Variants in TMEM108 observed in about 807,000 individuals in gnomAD.
TMEM108 encodes transmembrane protein 108.
A neutral mutation model predicts 35.1 loss-of-function variants in TMEM108; 12 were observed. The ratio of observed to expected loss-of-function variants is 0.34; its 90% CI spans 0.22 to 0.55. The LOEUF is 0.55. TMEM108 is among the 20% of genes least tolerant of loss of function. The pLI, the probability that TMEM108 is intolerant of heterozygous loss-of-function variation, is 0.89. For synonymous variants in TMEM108, 287 were observed against 308.6 expected (o/e 0.93, Z 0.73); for missense variants, 680 against 753.3 (o/e 0.90, Z 1.14).
rs1291857192 is a variant in TMEM108 at position 133,380,407 on chromosome 3, C to G, written c.696C>G (p.Pro232=). 1 of 1,613,722 alleles carries G rather than the reference C, an allele frequency of 6.2e-7. No individual in the cohort carries two copies. Among genetic ancestry groups the G allele is most frequent in the South Asian group, 1.1e-5 (1 of 91,046 alleles). Residue 232 remains proline, a synonymous_variant, in exon 4 of 6, where the codon CCC becomes CCG. Transcript: ENST00000321871. This position sits in a 1 kb window ranked among gnomAD's most constrained non-coding sequence, Gnocchi z 5.3. ...TCACAGGGTCTGTGGAACCGGAGCCCTCTACCCTCACCCCCAGGACCCCAC... is the reference window on the plus strand; with the variant it reads ...TCACAGGGTCTGTGGAACCGGAGCCGTCTACCCTCACCCCCAGGACCCCAC... The part of the protein sequence containing the change: ...GNFTGSVEPE[P]STLTPRTPLW...
chr3:133,122,484 A>AT (rs1033849510), intron 2 of TMEM108, among the ~76,000 whole-genome samples: 1 of 152,152 alleles, frequency 6.6e-6, no homozygotes, highest in East Asian at 1.9e-4. Context: ...CTATCTTTAT[A>AT]TTTTTTTGAA....
intron 2 of TMEM108, among the ~76,000 whole-genome samples, chr3:133,076,302 A>T (rs940580478): frequency 2.7e-5 from 4 of 150,782 alleles, no homozygotes; most frequent in African/African-American, 1.0e-4. Context: ...TCACAGTTTA[A>T]CATTCTGCTT....
intron 3 of TMEM108, among the ~76,000 whole-genome samples, chr3:133,250,730 A>G (rs953090889): frequency 2.0e-5 from 3 of 152,220 alleles, no homozygotes; most frequent in Admixed American, 6.5e-5. Context: ...TCAGGCTACC[A>G]TATGATTTGG....
chr3:133,375,970 G>A (rs993821326), intron 3 of TMEM108, among the ~76,000 whole-genome samples: 7 of 152,122 alleles, frequency 4.6e-5, no homozygotes, highest in Non-Finnish European at 7.3e-5. Flanking sequence ...GGCAGTATCC[G>A]TTCATTGTGC....
At chr3:133,390,474 G>T in intron 5 of TMEM108, 140 bp downstream of exon 5, 1 of 958,972 alleles carries the variant, frequency 1.0e-6, no homozygotes, top group Non-Finnish European at 1.6e-6. Flanking sequence ...CCAAGAGGTT[G>T]TAGGCCCTAC....
At chr3:133,146,247 T>C (rs936687148) in intron 2 of TMEM108, among the ~76,000 whole-genome samples, 1 of 152,222 alleles carries the variant, frequency 6.6e-6, no homozygotes, top group Non-Finnish European at 1.5e-5. Context: ...ATTGGTTCTG[T>C]TTATGTGATG....
chr3:133,369,905 G>A, intron 3 of TMEM108, among the ~76,000 whole-genome samples: 1 of 152,126 alleles, frequency 6.6e-6, no homozygotes, highest in East Asian at 1.9e-4. Context: ...CCACCCCACG[G>A]GGTAGCCTTC....
At chr3:133,040,551 C>T (rs1353636339) in intron 1 of TMEM108, among the ~76,000 whole-genome samples, 2 of 151,822 alleles carry the variant, frequency 1.3e-5, no homozygotes, top group Non-Finnish European at 2.9e-5. Context: ...GAAAAGAATG[C>T]TGAGGGTGAG....
At chr3:133,148,216 G>T (rs1944749158) in intron 2 of TMEM108, among the ~76,000 whole-genome samples, 1 of 152,178 alleles carries the variant, frequency 6.6e-6, no homozygotes, top group South Asian at 2.1e-4. Flanking sequence ...CTAAGACTGG[G>T]AGAGGAAAAT....
chr3:133,196,030 C>A (rs1282326897), intron 2 of TMEM108, among the ~76,000 whole-genome samples: 2 of 152,194 alleles, frequency 1.3e-5, no homozygotes, highest in Non-Finnish European at 2.9e-5. Flanking sequence ...GCTGAAGAGA[C>A]TTTTCAATCT....
At chr3:133,238,115 CCTCA>C (rs1272021859) in intron 3 of TMEM108, among the ~76,000 whole-genome samples, 1 of 142,656 alleles carries the variant, frequency 7.0e-6, no homozygotes, top group East Asian at 1.9e-4. Context: ...ATCCCTCCTC[CCTCA>C]CTCACACACA....
chr3:133,062,824 G>A (rs1388867985), intron 2 of TMEM108, among the ~76,000 whole-genome samples: 2 of 152,154 alleles, frequency 1.3e-5, no homozygotes, highest in African/African-American at 4.8e-5. Context: ...GGTGTTATGT[G>A]TTTTTCTCCC....
chr3:133,303,858 G>C (rs1947265315), intron 3 of TMEM108, among the ~76,000 whole-genome samples: 1 of 152,176 alleles, frequency 6.6e-6, no homozygotes, highest in Non-Finnish European at 1.5e-5. Context: ...TCCTGCCCAA[G>C]CAGGAAATTG....
intron 2 of TMEM108, among the ~76,000 whole-genome samples, chr3:133,176,473 G>C (rs902418086): frequency 6.6e-6 from 1 of 152,084 alleles, no homozygotes; most frequent in Non-Finnish European, 1.5e-5. Context: ...TTGTCTCTCA[G>C]ACCACAGTGC....
At chr3:133,325,798 C>A (rs1372992898) in intron 3 of TMEM108, among the ~76,000 whole-genome samples, 3 of 150,900 alleles carry the variant, frequency 2.0e-5, no homozygotes, top group Non-Finnish European at 4.4e-5. Flanking sequence ...TATGTAAAAT[C>A]AATATATGGA....
intron 3 of TMEM108, among the ~76,000 whole-genome samples, chr3:133,251,924 G>A (rs528648695): frequency 1.9e-4 from 29 of 152,192 alleles, no homozygotes; most frequent in African/African-American, 4.8e-4. Flanking sequence ...TTTTTCTGAC[G>A]GCCTATGATA....
intron 2 of TMEM108, among the ~76,000 whole-genome samples, chr3:133,207,666 C>T (rs1180915058): frequency 6.6e-6 from 1 of 152,118 alleles, no homozygotes; most frequent in African/African-American, 2.4e-5. Flanking sequence ...TATGTAACCA[C>T]AACAGAGACA....
chr3:133,292,698 A>G (rs1947089673), intron 3 of TMEM108, among the ~76,000 whole-genome samples: 1 of 152,176 alleles, frequency 6.6e-6, no homozygotes, highest in Non-Finnish European at 1.5e-5. Context: ...TTCAAACTCT[A>G]AAGCACCAAA....
chr3:133,236,465 A>G lies in TMEM108; in HGVS notation c.40+7114A>G, dbSNP rs1221170174. On this transcript the variant is annotated intron_variant, in intron 3 of 5. Coordinates refer to ENST00000321871, the MANE Select transcript of TMEM108 (RefSeq NM_023943.4). ...TGTCTCAGTCTCAGATTTGAATTAT[A>G]TGTATGTATACGCACAAACACACAC... Among the ~76,000 whole-genome samples, 33 of 152,076 alleles carry G rather than the reference A, an allele frequency of 2.2e-4. 1 individual carries two copies. Among genetic ancestry groups the G allele is most frequent in the Non-Finnish European group, 8.8e-5 (6 of 67,992 alleles).
Sources: allele counts gnomAD v4.1 joint callset (sites outside exome capture counted in the v4.1 genomes callset), GRCh38; gene constraint gnomAD v4.1.1; non-coding constraint Gnocchi (gnomAD v3.1); transcripts MANE v1.5; gene names NCBI Gene and HGNC (gene_info 2026-07-23, HGNC 2026-07-21).